Variants in RAB30 observed in about 807,000 individuals in gnomAD.
The protein encoded by RAB30 is RAB30, member RAS oncogene family.
RAB30 carries 9 observed loss-of-function variants against 25.1 expected under a neutral mutation model. The ratio of observed to expected loss-of-function variants is 0.36; its 90% CI spans 0.22 to 0.63. RAB30 has a LOEUF of 0.63. Ranked by LOEUF, RAB30 falls within the 20% of genes least tolerant of loss-of-function variation. The probability of loss-of-function intolerance (pLI) is 0.69; values close to 1 mark genes in which losing one functional copy is unlikely to be tolerated. For synonymous variants in RAB30, 77 were observed against 86.4 expected (o/e 0.89, Z 0.60); for missense variants, 140 against 243.5 (o/e 0.58, Z 2.83).
At chr11:83,026,080 A>G (rs1005136828) in intron 1 of RAB30, among the ~76,000 whole-genome samples, 3 of 152,154 alleles carry the variant, frequency 2.0e-5, no homozygotes, top group Non-Finnish European at 4.4e-5. Flanking sequence ...AGCCCTAGCT[A>G]CAAGGGAGAC....
rs1345171612 is a variant in RAB30 at position 82,979,774 on chromosome 11, T to G, written c.*2391A>C. ...GTCCCACATTCTCATGTGTTCCTGC[T>G]GATGGGCTGTGGATGGGTAAGTTAT... On this transcript the variant is annotated 3_prime_UTR_variant, in exon 5 of 5. Coordinates refer to ENST00000527633, the MANE Select transcript of RAB30 (RefSeq NM_001286060.2). The G allele has an allele frequency of 6.6e-6, 1 of 152,214 alleles. No homozygotes were observed. The highest frequency in any genetic ancestry group is 1.9e-4 in the East Asian group (1 of 5,202). 9.4% of individuals were successfully genotyped at this position (152,214 alleles called of 1,614,324 possible).
intron 1 of RAB30, among the ~76,000 whole-genome samples, chr11:83,004,393 C>G (rs938768162): frequency 8.5e-5 from 13 of 152,086 alleles, no homozygotes; most frequent in Non-Finnish European, 1.5e-4. Context: ...ACCTGAAATT[C>G]AAAATGAACT....
At chr11:82,997,817 T>G (rs1186309139) in intron 1 of RAB30, among the ~76,000 whole-genome samples, 2 of 152,190 alleles carry the variant, frequency 1.3e-5, no homozygotes, top group Non-Finnish European at 2.9e-5. Context: ...GTCTCCTGCT[T>G]CTGGAAGTCT....
rs546865177 is a variant in RAB30, at chr11:82,980,744, C to A, written c.*1421G>T. On this transcript the variant is annotated 3_prime_UTR_variant, in exon 5 of 5. Transcript: ENST00000527633. ...AGCAGCACATCTCCCATTTTGAGTC[C>A]TGTTTTTAAATTGGCTAAGTAAAGG... 6.8e-6 allele frequency: 1 copy of A among 147,336 alleles called. No individual in the cohort carries two copies. The highest frequency in any genetic ancestry group is 2.2e-4 in the East Asian group (1 of 4,600). 9.1% of individuals were successfully genotyped at this position (147,336 alleles called of 1,614,324 possible).
intron 1 of RAB30, among the ~76,000 whole-genome samples, chr11:83,006,204 C>T (rs1360583086): frequency 6.6e-6 from 1 of 152,078 alleles, no homozygotes; most frequent in Non-Finnish European, 1.5e-5. Context: ...AACCCTCTGA[C>T]CCAGCAATTG....
rs573680943 is a variant in RAB30, at chr11:83,015,428, G to A, written c.-8-18104C>T. 3.5e-5 allele frequency among the ~76,000 whole-genome samples: 4 copies of A among 114,606 alleles called. No homozygotes were observed. The South Asian group carries it at 1.0e-3, about 30-fold the overall frequency. 75.2% of individuals were successfully genotyped at this position (114,606 alleles called of 152,430 possible). ...ACCTAGATATTTGACTTGAGCACAT[G>A]GGGGGATAATGGCACCACTTTCTGA... On this transcript the variant is annotated intron_variant, in intron 1 of 4. Coordinates refer to ENST00000527633, the MANE Select transcript of RAB30 (RefSeq NM_001286060.2).
Position 82,997,248 on chromosome 11 carries a change from C to T in RAB30, c.69G>A (p.Thr23=), listed in dbSNP as rs950487914. ...VLIGNAGVGK[T]CLVRRFTQGL... ...CCTGAGTGAATCTTCGGACGAGGCA[C>T]GTCTTCCCCACACCAGCGTTGCCAA... is the stretch of plus-strand genomic sequence containing the variant. Residue 23 remains threonine (T), a synonymous_variant, in exon 2 of 5, where the codon ACG becomes ACA. Transcript: ENST00000527633. 26 of 1,611,898 alleles carry T rather than the reference C, an allele frequency of 1.6e-5. No individual in the cohort carries two copies. Among genetic ancestry groups the T allele is most frequent in the African/African-American group, 9.4e-5 (7 of 74,842 alleles).
At chr11:82,987,856 G>T in intron 3 of RAB30, 86 bp from the exon 4 acceptor site, 6 of 477,870 alleles carry the variant, frequency 1.3e-5, no homozygotes, top group East Asian at 8.6e-5. Context: ...GCTTTGGTTT[G>T]AAAATGGGTA....
rs1378886978 is a variant in RAB30 at position 83,038,519 on chromosome 11, T to A, written c.-9+33172A>T. 2.6e-5 allele frequency among the ~76,000 whole-genome samples: 4 copies of A among 152,224 alleles called. No individual in the cohort carries two copies. The East Asian group carries it at 7.7e-4, about 29-fold the overall frequency. The stretch of plus-strand genomic sequence containing the variant: ...GACCAAAGCCTTATGCCTGATACAT[T>A]CTATTAAGAAAAATAATGAGGCTGG... On this transcript the variant is annotated intron_variant, in intron 1 of 4. Transcript: ENST00000527633.
At chr11:83,034,104 A>C (rs936342355) in intron 1 of RAB30, 3 of 152,214 alleles carry the variant, frequency 2.0e-5, no homozygotes, top group African/African-American at 7.2e-5. Context: ...CAAGCTCTGC[A>C]GTTATAAACG....
rs568773813 is a variant in RAB30, at chr11:83,044,738, T to C, written c.-9+26953A>G. 1.3e-4 allele frequency among the ~76,000 whole-genome samples: 20 copies of C among 152,364 alleles called. No individual in the cohort carries two copies. In the East Asian group the frequency reaches 1.9e-3, roughly 15 times the overall value. On this transcript the variant is annotated intron_variant, in intron 1 of 4. Transcript: ENST00000527633. ...AGCAAAGAATTTGTTTTAGGCATCA[T>C]TGGGCTCAAAGCCAAATCCACCCCT...
chr11:82,984,398 C>G (rs1316962409), intron 4 of RAB30, among the ~76,000 whole-genome samples: 18 of 152,162 alleles, frequency 1.2e-4, no homozygotes, highest in African/African-American at 2.4e-5. Flanking sequence ...TTCCCTCATA[C>G]TAGAATCGTC....
chr11:83,000,550 A>G (rs1857056088), intron 1 of RAB30, among the ~76,000 whole-genome samples: 2 of 152,256 alleles, frequency 1.3e-5, no homozygotes, highest in Admixed American at 6.5e-5. Flanking sequence ...TCATAAGCCC[A>G]TAAGAAACAG....
chr11:82,980,377 A>C lies in RAB30; in HGVS notation c.*1788T>G, dbSNP rs1565264707. On this transcript the variant is annotated 3_prime_UTR_variant, in exon 5 of 5. Transcript: ENST00000527633. ...ATCAGCCCCTTAAAAAATATGCATA[A>C]TCTCATGTGCAAGACACTGGTCAAT... The C allele has an allele frequency of 6.6e-6, 1 of 152,208 alleles. No homozygotes were observed. The highest frequency in any genetic ancestry group is 2.4e-5 in the African/African-American group (1 of 41,458). The allele number at this position is 152,208 out of a possible 1,614,324, so 9.4% of individuals were successfully genotyped here. A position where few individuals can be genotyped will look rare whatever the true frequency, so the allele number is the denominator to read the frequency against.
At chr11:83,005,944 AC>A (rs140058451) in intron 1 of RAB30, among the ~76,000 whole-genome samples, 2,896 of 151,804 alleles carry the variant, frequency 0.019, 89 homozygotes, top group African/African-American at 0.066. Flanking sequence ...AATAGCACTT[AC>A]ATTTTTTTTT....
intron 1 of RAB30, among the ~76,000 whole-genome samples, chr11:83,071,179 CATAAA>C (rs1178985043): frequency 6.6e-6 from 1 of 152,200 alleles, no homozygotes; most frequent in East Asian, 1.9e-4. Context: ...GACATACACA[CATAAA>C]ATAAAGCCCT....
At chr11:83,013,106 CAG>C (rs1857339887) in intron 1 of RAB30, among the ~76,000 whole-genome samples, 2 of 151,974 alleles carry the variant, frequency 1.3e-5, no homozygotes, top group South Asian at 4.2e-4. Context: ...TATTTTGAGA[CAG>C]AGTCTCACTC....
chr11:83,054,667 C>A (rs1858421074), intron 1 of RAB30, among the ~76,000 whole-genome samples: 1 of 151,786 alleles, frequency 6.6e-6, no homozygotes, highest in Non-Finnish European at 1.5e-5. Context: ...TTGAGACCAG[C>A]CTGGGCAATA....
chr11:83,017,151 T>G (rs1268911331), intron 1 of RAB30, among the ~76,000 whole-genome samples: 1 of 152,042 alleles, frequency 6.6e-6, no homozygotes, highest in Non-Finnish European at 1.5e-5. Context: ...ACAGCCTGAG[T>G]AACATGGCAA....
Sources: gnomAD v4.1 joint callset for allele counts (sites outside exome capture counted in the v4.1 genomes callset) on GRCh38, gnomAD v4.1.1 for gene constraint, MANE v1.5 for transcripts, NCBI Gene and HGNC (gene_info 2026-07-23, HGNC 2026-07-21) for gene names.